DPY19L4: variants seen among roughly 807,000 people sequenced by gnomAD.
The protein encoded by DPY19L4 is dpy-19 like 4.
A neutral mutation model predicts 102.8 loss-of-function variants in DPY19L4; 97 were observed. That is an observed-to-expected ratio of 0.94 (90% CI 0.80 to 1.12). DPY19L4 has a LOEUF of 1.12. DPY19L4 is among the 50% of genes most tolerant of loss of function. The pLI, the probability that DPY19L4 is intolerant of heterozygous loss-of-function variation, is 0.00. For synonymous variants in DPY19L4, 252 were observed against 283.1 expected (o/e 0.89, Z 1.10); for missense variants, 815 against 850.4 (o/e 0.96, Z 0.52).
At chr8:94,748,097 A>G (rs1028176379) in intron 6 of DPY19L4, among the ~76,000 whole-genome samples, 3 of 152,064 alleles carry the variant, frequency 2.0e-5, no homozygotes, top group Non-Finnish European at 4.4e-5. Flanking sequence ...CCCACCACAC[A>G]TTGTCAGGGG....
chr8:94,732,148 C>A (rs573659831), intron 2 of DPY19L4, among the ~76,000 whole-genome samples: 2,157 of 137,932 alleles, frequency 0.016, 50 homozygotes, highest in African/African-American at 0.069. Flanking sequence ...GTTTGCATAA[C>A]AGCACAACTG....
intron 2 of DPY19L4, among the ~76,000 whole-genome samples, chr8:94,731,490 C>T (rs1000678158): frequency 1.3e-5 from 2 of 152,122 alleles, no homozygotes; most frequent in African/African-American, 4.8e-5. Context: ...GATCTCAGCT[C>T]ACTGCAACCT....
intron 17 of DPY19L4, among the ~76,000 whole-genome samples, chr8:94,786,460 A>C (rs1425811524): frequency 1.3e-5 from 2 of 151,450 alleles, no homozygotes; most frequent in Non-Finnish European, 2.9e-5. Context: ...TTTTTAATTA[A>C]TTTATTTTTT....
chr8:94,743,479 T>TAAA (rs906372836), intron 6 of DPY19L4, among the ~76,000 whole-genome samples: 1 of 138,592 alleles, frequency 7.2e-6, no homozygotes, highest in Non-Finnish European at 1.6e-5. Flanking sequence ...CATCTCTACT[T>TAAA]AAAAAAAAAA....
intron 2 of DPY19L4, among the ~76,000 whole-genome samples, chr8:94,732,583 G>A (rs1285111705): frequency 6.6e-6 from 1 of 151,916 alleles, no homozygotes; most frequent in African/African-American, 2.4e-5. Flanking sequence ...TATAACAGTT[G>A]TATGTGATCT....
intron 6 of DPY19L4, among the ~76,000 whole-genome samples, chr8:94,751,260 AG>A (rs1223314651): frequency 2.7e-5 from 4 of 150,768 alleles, no homozygotes; most frequent in African/African-American, 9.7e-5. Context: ...CTGGGACTAC[AG>A]GCGCCCGCCA....
Position 94,761,934 on chromosome 8 carries a change from G to A in DPY19L4, c.870+100G>A. The A allele has an allele frequency of 2.5e-6, 3 of 1,176,792 alleles. No individual in the cohort carries two copies. In the South Asian group the frequency reaches 6.8e-5, roughly 27 times the overall value. 72.9% of individuals were successfully genotyped at this position (1,176,792 alleles called of 1,614,324 possible). A position where few individuals can be genotyped will look rare whatever the true frequency, so the allele number is the denominator to read the frequency against. On this transcript the variant is annotated intron_variant, in intron 8 of 18. Coordinates refer to ENST00000414645, the MANE Select transcript of DPY19L4 (RefSeq NM_181787.3). ...TTTCTTCATCCATACACTCATATGG[G>A]AACCCCGATGCATACAATATTTAAG...
chr8:94,761,143 C>G (rs1812377587), intron 7 of DPY19L4, among the ~76,000 whole-genome samples: 1 of 152,020 alleles, frequency 6.6e-6, no homozygotes, highest in Admixed American at 6.6e-5. Flanking sequence ...AAATTGTTAA[C>G]CAAGTATAAA....
chr8:94,743,094 C>T (rs2130828626), intron 6 of DPY19L4, among the ~76,000 whole-genome samples: 1 of 152,142 alleles, frequency 6.6e-6, no homozygotes, highest in South Asian at 2.1e-4. Flanking sequence ...ATGGCACAAT[C>T]TCGGCTCACT....
At chr8:94,786,917 G>A (rs1466878854) in intron 17 of DPY19L4, among the ~76,000 whole-genome samples, 1 of 152,076 alleles carries the variant, frequency 6.6e-6, no homozygotes, top group Non-Finnish European at 1.5e-5. Context: ...TAATCCCCTG[G>A]GCCAGTGATT....
At chr8:94,723,610 A>G (rs891235896) in intron 1 of DPY19L4, among the ~76,000 whole-genome samples, 1 of 152,012 alleles carries the variant, frequency 6.6e-6, no homozygotes, top group Non-Finnish European at 1.5e-5. Context: ...TTGTTTTTCC[A>G]TTATGAAATT....
At chr8:94,775,033 G>A (rs1813112313) in intron 13 of DPY19L4, among the ~76,000 whole-genome samples, 1 of 151,982 alleles carries the variant, frequency 6.6e-6, no homozygotes, top group Non-Finnish European at 1.5e-5. Flanking sequence ...CTTTTTCAAG[G>A]CTAAAAAATA....
At chr8:94,739,068 C>T (rs1220372197) in intron 4 of DPY19L4, among the ~76,000 whole-genome samples, 1 of 151,946 alleles carries the variant, frequency 6.6e-6, no homozygotes, top group African/African-American at 2.4e-5. Flanking sequence ...TGTTGTTAAC[C>T]ATATTCATTC....
chr8:94,743,087 G>T (rs910343995), intron 6 of DPY19L4, among the ~76,000 whole-genome samples: 1 of 151,800 alleles, frequency 6.6e-6, no homozygotes, highest in Non-Finnish European at 1.5e-5. Flanking sequence ...GAGTGTAATG[G>T]CACAATCTCG....
At chr8:94,779,198 G>A (rs7832492) in intron 14 of DPY19L4, among the ~76,000 whole-genome samples, 117,101 of 150,034 alleles carry the variant, frequency 0.78, 46,938 homozygotes, top group East Asian at 0.96. Flanking sequence ...TTTAATCCTA[G>A]ATTTTCTCTG....
At chr8:94,751,765 C>T (rs887215759) in intron 6 of DPY19L4, among the ~76,000 whole-genome samples, 1 of 152,134 alleles carries the variant, frequency 6.6e-6, no homozygotes, top group Non-Finnish European at 1.5e-5. Flanking sequence ...GCTGGGATTA[C>T]AGGTGTGAGC....
At chr8:94,764,831 C>T (rs72676950) in intron 8 of DPY19L4, among the ~76,000 whole-genome samples, 13,729 of 141,754 alleles carry the variant, frequency 0.097, 941 homozygotes, top group Non-Finnish European at 0.15. Context: ...CTGAGTTAAG[C>T]GATTCTCATG....
Position 94,768,204 on chromosome 8 carries a change from G to A in DPY19L4, c.1176-191G>A, listed in dbSNP as rs546067325. ...TTTTACATTTATTAGAGCAGTTTTG[G>A]TGAGAGCACATGCTTTGTTTACTAA... On this transcript the variant is annotated intron_variant, in intron 11 of 18. Coordinates refer to ENST00000414645, the MANE Select transcript of DPY19L4 (RefSeq NM_181787.3). Among the ~76,000 whole-genome samples, 14 of 152,284 alleles carry A rather than the reference G, an allele frequency of 9.2e-5. No homozygotes were observed. In the South Asian group the frequency reaches 2.9e-3, roughly 32 times the overall value.
intron 12 of DPY19L4, among the ~76,000 whole-genome samples, chr8:94,768,935 C>A (rs991640240): frequency 5.3e-5 from 8 of 150,230 alleles, no homozygotes; most frequent in African/African-American, 2.0e-4. Context: ...ATCGCTTGAA[C>A]CCGGGAGGCA....
Sources: allele counts gnomAD v4.1 joint callset (sites outside exome capture counted in the v4.1 genomes callset), GRCh38; gene constraint gnomAD v4.1.1; transcripts MANE v1.5; gene names NCBI Gene and HGNC (gene_info 2026-07-23, HGNC 2026-07-21).